Variants in PDXK observed in about 807,000 individuals in gnomAD.
The protein encoded by PDXK is epididymis secretory sperm binding protein Li 1a.
Under a neutral mutation model 43.2 loss-of-function variants are expected in PDXK, and 15 were observed. The ratio of observed to expected loss-of-function variants is 0.35; its 90% CI spans 0.23 to 0.53. PDXK has a LOEUF of 0.53. Among genes scored for constraint, PDXK ranks in the 20% least tolerant of loss-of-function variants. PDXK has a pLI of 0.92. For synonymous variants in PDXK, 172 were observed against 165.4 expected (o/e 1.04, Z -0.31); for missense variants, 343 against 417.0 (o/e 0.82, Z 1.54).
At chr21:43,753,498 C>T (rs1162287442) in intron 8 of PDXK, 85 bp from the exon 9 acceptor site, 5 of 1,435,930 alleles carry the variant, frequency 3.5e-6, no homozygotes, top group South Asian at 2.6e-5. Context: ...TCCCTGCCGC[C>T]GTGCCCAGGA....
rs1038412293 is a variant in PDXK, at chr21:43,734,207, G to T, written c.142+84G>T. The T allele has an allele frequency of 7.9e-7, 1 of 1,273,052 alleles. No individual in the cohort carries two copies. The highest frequency in any genetic ancestry group is 1.2e-5 in the South Asian group (1 of 83,988). 78.9% of individuals were successfully genotyped at this position (1,273,052 alleles called of 1,614,324 possible). The stretch of plus-strand genomic sequence containing the variant: ...GGAGTGTGGGTGTGAGGGACGGGGC[G>T]GAGTGTGGGTGTGAGGGACGGGGCT... On this transcript the variant is annotated intron_variant, in intron 2 of 10. Transcript: ENST00000291565. The surrounding 1 kb of genome is among the most constrained non-coding windows in gnomAD (Gnocchi z 5.0).
intron 3 of PDXK, among the ~76,000 whole-genome samples, chr21:43,742,279 A>G (rs1475557429): frequency 6.6e-6 from 1 of 152,232 alleles, no homozygotes; most frequent in African/African-American, 2.4e-5. Context: ...TCCCAGGCTC[A>G]GGTGATCCTC....
Position 43,734,774 on chromosome 21 carries a change from C to T in PDXK, c.142+651C>T, listed in dbSNP as rs2083376680. 6.6e-6 allele frequency among the ~76,000 whole-genome samples: 1 copy of T among 152,136 alleles called. No homozygotes were observed. The highest frequency in any genetic ancestry group is 1.5e-5 in the Non-Finnish European group (1 of 67,974). ...GCCCCATGGCCTGGGGGTGGAGGTGCGTGGAGTCCCCCCTCCTCTCTGTGG... is the reference window on the plus strand; with the variant it reads ...GCCCCATGGCCTGGGGGTGGAGGTGTGTGGAGTCCCCCCTCCTCTCTGTGG... On this transcript the variant is annotated intron_variant, in intron 2 of 10. Coordinates refer to ENST00000291565, the MANE Select transcript of PDXK (RefSeq NM_003681.5). This position sits in a 1 kb window ranked among gnomAD's most constrained non-coding sequence, Gnocchi z 5.0.
rs897300755 is a variant in PDXK at position 43,730,698 on chromosome 21, A to G, written c.88-3371A>G. Reference sequence around the variant, plus strand: ...TCTGGGTGCAGTGGCTCATACCTGTAGTCCCAGCACTTTGGGAGGCTAAGG... The same window carrying G: ...TCTGGGTGCAGTGGCTCATACCTGTGGTCCCAGCACTTTGGGAGGCTAAGG... On this transcript the variant is annotated intron_variant, in intron 1 of 10. Transcript: ENST00000291565. 2.6e-5 allele frequency among the ~76,000 whole-genome samples: 4 copies of G among 152,258 alleles called. No homozygotes were observed. In the South Asian group the frequency reaches 6.2e-4, roughly 24 times the overall value.
chr21:43,719,563 C>A (rs573975539), intron 1 of PDXK, 182 bp downstream of exon 1: 2 of 973,154 alleles, frequency 2.1e-6, no homozygotes, highest in African/African-American at 1.8e-5. Flanking sequence ...GGGGCGGAAG[C>A]GGAGGGCTGA....
In PDXK at chr21:43,732,250, T is replaced by G. The variant is rs1453232938; in HGVS notation, c.88-1819T>G. 1 of 1,482,296 alleles carries G rather than the reference T, an allele frequency of 6.7e-7. No individual in the cohort carries two copies. Among genetic ancestry groups the G allele is most frequent in the Non-Finnish European group, 8.9e-7 (1 of 1,120,934 alleles). The allele number at this position is 1,482,296 out of a possible 1,614,324, so 91.8% of individuals were successfully genotyped here. ...CCGGCACAGAGCGCTGGCTTCCAGC[T>G]GAAGGACATGTGTAACAGCAGGAGA... On this transcript the variant is annotated intron_variant, in intron 1 of 10. Coordinates refer to ENST00000291565, the MANE Select transcript of PDXK (RefSeq NM_003681.5). The surrounding 1 kb of genome is among the most constrained non-coding windows in gnomAD (Gnocchi z 4.1).
chr21:43,738,555 T>G (rs115358733), intron 2 of PDXK: 1 of 152,250 alleles, frequency 6.6e-6, no homozygotes, highest in Admixed American at 6.5e-5. Context: ...GCCTCCTAAT[T>G]GCCATCATGT....
chr21:43,755,570 A>T, intron 9 of PDXK, 128 bp from the exon 10 acceptor site: 1 of 805,718 alleles, frequency 1.2e-6, no homozygotes, highest in Non-Finnish European at 2.2e-6. Context: ...GCATTGGCGG[A>T]GCCGGCTCCC....
Position 43,756,000 on chromosome 21 carries a change from G to A in PDXK, c.876G>A (p.Arg292=). 3.7e-6 allele frequency: 6 copies of A among 1,613,432 alleles called. No individual in the cohort carries two copies. Among genetic ancestry groups the A allele is most frequent in the Non-Finnish European group, 5.1e-6 (6 of 1,179,742 alleles). Residue 292 remains arginine (R), a synonymous_variant, in exon 11 of 11, where the codon CGG becomes CGA. Coordinates refer to ENST00000291565, the MANE Select transcript of PDXK (RefSeq NM_003681.5). ...VRPSPMQLEL[R]MVQSKRDIED... is the part of the protein sequence containing the mutation. ...CCAGCCCCATGCAGCTGGAGCTGCG[G>A]ATGGTGCAGAGCAAAAGGGACATCG... is the stretch of plus-strand genomic sequence containing the variant.
rs77699447 is a variant in PDXK at position 43,753,824 on chromosome 21, T to C, written c.759+105T>C. 61,171 of 1,296,574 alleles carry C rather than the reference T, an allele frequency of 0.047. 1,593 individuals are homozygous for C. Among genetic ancestry groups the C allele is most frequent in the East Asian group, 0.069 (2,711 of 39,566 alleles). 80.3% of individuals were successfully genotyped at this position (1,296,574 alleles called of 1,614,324 possible). On this transcript the variant is annotated intron_variant, in intron 9 of 10. Transcript: ENST00000291565. ...GGGTCCCTGCTGAGCTGACAGGGCA[T>C]GGCCCTGAGTGCTGGCCCCAGTTGT...
At chr21:43,727,419 C>T (rs891584861) in intron 1 of PDXK, among the ~76,000 whole-genome samples, 3 of 152,232 alleles carry the variant, frequency 2.0e-5, no homozygotes, top group African/African-American at 7.2e-5. Flanking sequence ...CCCGGCTCTG[C>T]ATGGGGCCTC....
In PDXK at chr21:43,732,552, A is replaced by T. The variant is rs1042895493; in HGVS notation, c.88-1517A>T. The T allele has an allele frequency of 1.0e-6, 1 of 983,924 alleles. No homozygotes were observed. Among genetic ancestry groups the T allele is most frequent in the Non-Finnish European group, 1.7e-6 (1 of 604,820 alleles). The allele number at this position is 983,924 out of a possible 1,614,324, so 60.9% of individuals were successfully genotyped here. ...ATACGTTTGCCAGCCCCAAAGGATTAATTATCTACACACCCAGAAGCAGTG... is the reference window on the plus strand; with the variant it reads ...ATACGTTTGCCAGCCCCAAAGGATTTATTATCTACACACCCAGAAGCAGTG... On this transcript the variant is annotated intron_variant, in intron 1 of 10. Transcript: ENST00000291565. The surrounding 1 kb of genome is among the most constrained non-coding windows in gnomAD (Gnocchi z 4.1).
intron 1 of PDXK, chr21:43,733,598 T>A (rs2083355478): frequency 1.9e-6 from 2 of 1,029,344 alleles, no homozygotes; most frequent in African/African-American, 3.4e-5. Context: ...GAGGCATGTG[T>A]GCTGCCCGCG....
chr21:43,742,951 C>T (rs2083562929), intron 3 of PDXK, among the ~76,000 whole-genome samples: 1 of 152,142 alleles, frequency 6.6e-6, no homozygotes, highest in African/African-American at 2.4e-5. Context: ...TCACCTCTCG[C>T]CCGTGGGTTC....
At chr21:43,742,447 G>A (rs2083552994) in intron 3 of PDXK, among the ~76,000 whole-genome samples, 2 of 152,152 alleles carry the variant, frequency 1.3e-5, no homozygotes, top group Admixed American at 1.3e-4. Context: ...CTCCCAAAGT[G>A]CTGGGATTAC....
At position 43,737,261 on chromosome 21, in the gene PDXK, C is replaced by T; in HGVS notation, c.142+3138C>T. On this transcript the variant is annotated intron_variant, in intron 2 of 10. Transcript: ENST00000291565. The surrounding 1 kb of genome is among the most constrained non-coding windows in gnomAD (Gnocchi z 4.8). ...GTGGGAAAGCCGATCCCCCAAGTGC[C>T]TGCAGAGCCCACCTGGCGCAGGCCT... 7.0e-7 allele frequency: 1 copy of T among 1,421,492 alleles called. No individual in the cohort carries two copies. The highest frequency in any genetic ancestry group is 9.2e-7 in the Non-Finnish European group (1 of 1,091,300). The allele number at this position is 1,421,492 out of a possible 1,614,324, so 88.1% of individuals were successfully genotyped here.
rs1568995977 is a variant in PDXK at position 43,756,166 on chromosome 21, A to AT, written c.*110dup. 3.0e-6 allele frequency: 2 copies of AT among 663,742 alleles called. No homozygotes were observed. The highest frequency in any genetic ancestry group is 2.6e-6 in the Non-Finnish European group (1 of 381,842). 41.1% of individuals were successfully genotyped at this position (663,742 alleles called of 1,614,324 possible). ...CTTAGAGCCATGACCGAAACTTGATATTTTTTTCTTTCATGAGTGTCCGGC... is the reference window on the plus strand; with the variant it reads ...CTTAGAGCCATGACCGAAACTTGATATTTTTTTTCTTTCATGAGTGTCCGGC... On this transcript the variant is annotated 3_prime_UTR_variant, in exon 11 of 11. Transcript: ENST00000291565.
At chr21:43,751,616 T>C (rs1360024025) in intron 7 of PDXK, among the ~76,000 whole-genome samples, 1 of 152,128 alleles carries the variant, frequency 6.6e-6, no homozygotes, top group African/African-American at 2.4e-5. Context: ...GGCTGGGAAG[T>C]CCAAGGTCAA....
In PDXK at chr21:43,724,374, G is replaced by A. The variant is rs554151833; in HGVS notation, c.87+4993G>A. Among the ~76,000 whole-genome samples, 4 of 152,232 alleles carry A rather than the reference G, an allele frequency of 2.6e-5. No individual in the cohort carries two copies. The South Asian group carries it at 8.3e-4, about 32-fold the overall frequency. The stretch of plus-strand genomic sequence containing the variant: ...GCCGAGGGTCCCACCTGCTTACTGG[G>A]CCCCGCTTCTCCGGACAGGAGCAGA... On this transcript the variant is annotated intron_variant, in intron 1 of 10. Transcript: ENST00000291565.
Sources: allele counts gnomAD v4.1 joint callset (sites outside exome capture counted in the v4.1 genomes callset), GRCh38; gene constraint gnomAD v4.1.1; non-coding constraint Gnocchi (gnomAD v3.1); transcripts MANE v1.5; gene names NCBI Gene and HGNC (gene_info 2026-07-23, HGNC 2026-07-21).